MYO16: variants seen among roughly 807,000 people sequenced by gnomAD.
MYO16 encodes unconventional myosin-XVI.
MYO16 carries 94 observed loss-of-function variants against 205.3 expected under a neutral mutation model. That is an observed-to-expected ratio of 0.46 (90% CI 0.39 to 0.54). The LOEUF is 0.54. MYO16 is among the 20% of genes least tolerant of loss of function. MYO16 has a pLI of 0.00. For missense variants in MYO16, 2,315 were observed against 2,387.5 expected (o/e 0.97, Z 0.63); for synonymous variants, 988 against 954.0 (o/e 1.04, Z -0.66).
intron 25 of MYO16, among the ~76,000 whole-genome samples, chr13:109,053,070 A>G (rs1887299308): frequency 6.6e-6 from 1 of 152,116 alleles, no homozygotes; most frequent in African/African-American, 2.4e-5. Context: ...AACTGATAGG[A>G]AACATGTATG....
At position 108,797,501 on chromosome 13, in the gene MYO16, G is replaced by C. The variant is rs536403263; in HGVS notation, c.741+3861G>C. Among the ~76,000 whole-genome samples the C allele has an allele frequency of 2.0e-5, 3 of 152,272 alleles. No individual in the cohort carries two copies. In the East Asian group the frequency reaches 5.8e-4, roughly 29 times the overall value. ...AAAACCAAGAGGACGAAATGTCCTCGGAACCAAGTGAAAACTTTGAGGAAG... is the reference window on the plus strand; with the variant it reads ...AAAACCAAGAGGACGAAATGTCCTCCGAACCAAGTGAAAACTTTGAGGAAG... On this transcript the variant is annotated intron_variant, in intron 6 of 34. Coordinates refer to ENST00000457511, the MANE Select transcript of MYO16 (RefSeq NM_001198950.3).
intron 12 of MYO16, among the ~76,000 whole-genome samples, chr13:108,880,653 G>C (rs895474122): frequency 1.3e-5 from 2 of 152,116 alleles, no homozygotes; most frequent in African/African-American, 4.8e-5. Flanking sequence ...TGTCAGGTTT[G>C]TCAAAGATCA....
At chr13:109,049,584 A>AT (rs59528534) in intron 24 of MYO16, among the ~76,000 whole-genome samples, 2 of 151,272 alleles carry the variant, frequency 1.3e-5, no homozygotes, top group African/African-American at 4.9e-5. Flanking sequence ...TTCTTTTTAA[A>AT]TTTTTTTTTG....
At chr13:108,557,057 A>C in the MYO16 span, among the ~76,000 whole-genome samples, 1 of 152,244 alleles carries the variant, frequency 6.6e-6, no homozygotes, top group South Asian at 2.1e-4. Flanking sequence ...TTGTGAAGTC[A>C]AGTAGTGTGA....
intron 14 of MYO16, among the ~76,000 whole-genome samples, chr13:108,890,869 C>T (rs974725832): frequency 6.6e-6 from 1 of 152,180 alleles, no homozygotes; most frequent in Non-Finnish European, 1.5e-5. Flanking sequence ...TCTTAGAACA[C>T]TATATCCCCT....
At chr13:109,061,927 A>G (rs1423386801) in intron 27 of MYO16, among the ~76,000 whole-genome samples, 1 of 152,162 alleles carries the variant, frequency 6.6e-6, no homozygotes, top group Admixed American at 6.6e-5. Context: ...TAATGTTATT[A>G]GAGTTCCTTA....
At chr13:108,834,910 A>G (rs925339475) in intron 9 of MYO16, among the ~76,000 whole-genome samples, 3 of 152,114 alleles carry the variant, frequency 2.0e-5, no homozygotes, top group African/African-American at 7.2e-5. Context: ...TATTAATCAC[A>G]GTGATTATAG....
intron 16 of MYO16, among the ~76,000 whole-genome samples, chr13:108,929,462 T>C (rs1882152985): frequency 6.6e-6 from 1 of 152,160 alleles, no homozygotes; most frequent in Admixed American, 6.5e-5. Context: ...ACACACACAC[T>C]CCTAATGAGG....
At chr13:108,695,335 T>C (rs765525735) in intron 2 of MYO16, among the ~76,000 whole-genome samples, 10 of 152,196 alleles carry the variant, frequency 6.6e-5, no homozygotes, top group Non-Finnish European at 1.2e-4. Context: ...TGAACATTGA[T>C]GTATGGGTGT....
At chr13:108,591,038 A>G in the MYO16 span, among the ~76,000 whole-genome samples, 1 of 152,198 alleles carries the variant, frequency 6.6e-6, no homozygotes, top group African/African-American at 2.4e-5. Flanking sequence ...GACTTAACTG[A>G]GTTTCTGGGA....
chr13:108,553,917 G>A, the MYO16 span, among the ~76,000 whole-genome samples: 1 of 152,124 alleles, frequency 6.6e-6, no homozygotes, highest in African/African-American at 2.4e-5. Context: ...AGAAAAGTGT[G>A]TTGGAAGCAT....
chr13:108,958,225 TTAATA>T (rs1883455622), intron 17 of MYO16, among the ~76,000 whole-genome samples: 1 of 147,568 alleles, frequency 6.8e-6, no homozygotes, highest in Non-Finnish European at 1.5e-5. Flanking sequence ...AAAATATAAT[TTAATA>T]TATTTAAATA....
chr13:109,029,744 A>G (rs1886489638), intron 23 of MYO16, among the ~76,000 whole-genome samples: 1 of 152,182 alleles, frequency 6.6e-6, no homozygotes, highest in South Asian at 2.1e-4. Context: ...TGAAAAATAA[A>G]AAGTAGCTCT....
chr13:108,733,450 C>T (rs1884588324), intron 4 of MYO16, among the ~76,000 whole-genome samples: 1 of 152,140 alleles, frequency 6.6e-6, no homozygotes, highest in Admixed American at 6.5e-5. Flanking sequence ...TAGTATTAGT[C>T]ATAGGCACAA....
At chr13:108,624,136 C>A (rs977302642) in intron 1 of MYO16, among the ~76,000 whole-genome samples, 2 of 152,078 alleles carry the variant, frequency 1.3e-5, no homozygotes, top group East Asian at 1.9e-4. Flanking sequence ...TATTTAATTG[C>A]CTCACAATTC....
At chr13:108,558,260 G>A in the MYO16 span, among the ~76,000 whole-genome samples, 1 of 152,158 alleles carries the variant, frequency 6.6e-6, no homozygotes, top group African/African-American at 2.4e-5. Flanking sequence ...AGTCGAATTG[G>A]CTTTGGTGAT....
chr13:108,497,405 A>G, the MYO16 span, among the ~76,000 whole-genome samples: 1 of 152,238 alleles, frequency 6.6e-6, no homozygotes, highest in Non-Finnish European at 1.5e-5. Flanking sequence ...ACTTAACACT[A>G]TGACATGTGA....
chr13:108,536,967 T>C, the MYO16 span, among the ~76,000 whole-genome samples: 4 of 152,170 alleles, frequency 2.6e-5, no homozygotes, highest in African/African-American at 9.7e-5. Context: ...TCAAGTATTA[T>C]GCTCTTTCTT....
chr13:108,591,312 C>T (rs1878392468), upstream of MYO16, among the ~76,000 whole-genome samples: 2 of 152,186 alleles, frequency 1.3e-5, no homozygotes, highest in South Asian at 4.1e-4. Context: ...GAGCTTCAGT[C>T]TCCCAGAAAT....
Sources: allele counts gnomAD v4.1 joint callset (sites outside exome capture counted in the v4.1 genomes callset), GRCh38; gene constraint gnomAD v4.1.1; transcripts MANE v1.5; gene names NCBI Gene and HGNC (gene_info 2026-07-23, HGNC 2026-07-21).